Variants in APEX1 observed in about 807,000 individuals in gnomAD.
APEX1 encodes the protein apurinic/apyrimidinic endodeoxyribonuclease 1, also known as DNA repair nuclease/redox regulator APEX1.
A neutral mutation model predicts 33.2 loss-of-function variants in APEX1; 32 were observed. The ratio of observed to expected loss-of-function variants is 0.96; its 90% CI spans 0.73 to 1.29. The LOEUF is 1.29. Ranked by LOEUF, APEX1 falls within the 50% of genes most tolerant of loss-of-function variation. The pLI, the probability that APEX1 is intolerant of heterozygous loss-of-function variation, is 0.00. For synonymous variants in APEX1, 175 were observed against 156.6 expected, an observed-to-expected ratio of 1.12 and a Z score of -0.88; for missense variants, 442 against 395.6, an observed-to-expected ratio of 1.12 and a Z score of -0.99.
In APEX1 at chr14:20,457,133, G is replaced by GTTCCTGAAGGGCCTGGC; in HGVS notation, c.587_603dup (p.Arg202Ter). Reference sequence around the variant, plus strand: ...AGCGCTGGGATGAAGCCTTTCGCAAGTTCCTGAAGGGCCTGGCTTCCCGAA... The same window carrying GTTCCTGAAGGGCCTGGC: ...AGCGCTGGGATGAAGCCTTTCGCAAGTTCCTGAAGGGCCTGGCTTCCTGAAGGGCCTGGCTTCCCGAA... On this transcript the variant is annotated frameshift_variant, in exon 5 of 5. Coordinates refer to ENST00000216714, the MANE Select transcript of APEX1 (RefSeq NM_001641.4). LOFTEE classifies it high-confidence loss of function. 6.2e-7 allele frequency: 1 copy of GTTCCTGAAGGGCCTGGC among 1,614,198 alleles called. No individual in the cohort carries two copies. The highest frequency in any genetic ancestry group is 8.5e-7 in the Non-Finnish European group (1 of 1,180,044).
At position 20,457,517 on chromosome 14, in the gene APEX1, C is replaced by T. The variant is rs12590363; in HGVS notation, c.*9C>T. 1 of 1,613,380 alleles carries T rather than the reference C, an allele frequency of 6.2e-7. No individual in the cohort carries two copies. The highest frequency in any genetic ancestry group is 1.1e-5 in the South Asian group (1 of 91,076). On this transcript the variant is annotated 3_prime_UTR_variant, in exon 5 of 5. Coordinates refer to ENST00000216714, the MANE Select transcript of APEX1 (RefSeq NM_001641.4). ...TATACCTAGCACTGTGACACCACCC[C>T]TAAATCACTTTGAGCCTGGGAAATA...
Position 20,457,448 on chromosome 14 carries a change from G to A in APEX1, c.897G>A (p.Lys299=), listed in dbSNP as rs1881459697. Residue 299 remains lysine, a synonymous_variant, in exon 5 of 5, where the codon AAG becomes AAA. Coordinates refer to ENST00000216714, the MANE Select transcript of APEX1 (RefSeq NM_001641.4). ...TGTTACCTGCATTGTGTGACAGCAA[G>A]ATCCGTTCCAAGGCCCTCGGCAGTG... ...HSLLPALCDS[K]IRSKALGSDH... The A allele has an allele frequency of 6.2e-7, 1 of 1,614,182 alleles. No individual in the cohort carries two copies. Among genetic ancestry groups the A allele is most frequent in the South Asian group, 1.1e-5 (1 of 91,084 alleles).
At position 20,457,726 on chromosome 14, in the gene APEX1, T is replaced by C; in HGVS notation, c.*218T>C. 1.6e-6 allele frequency: 1 copy of C among 628,098 alleles called. No individual in the cohort carries two copies. Among genetic ancestry groups the C allele is most frequent in the East Asian group, 2.9e-5 (1 of 34,966 alleles). The allele number at this position is 628,098 out of a possible 1,614,324, so 38.9% of individuals were successfully genotyped here. Reference sequence around the variant, plus strand: ...AATTGAACAAAGACTACTAATGACTTTGTTTGAATTATCCACATGAAAATA... The same window carrying C: ...AATTGAACAAAGACTACTAATGACTCTGTTTGAATTATCCACATGAAAATA... On this transcript the variant is annotated 3_prime_UTR_variant, in exon 5 of 5. Coordinates refer to ENST00000216714, the MANE Select transcript of APEX1 (RefSeq NM_001641.4).
chr14:20,456,890 A>G, intron 4 of APEX1, 30 bp downstream of exon 4: 1 of 1,609,208 alleles, frequency 6.2e-7, no homozygotes, highest in South Asian at 1.1e-5. Flanking sequence ...TAATGCCTGA[A>G]CTCTTCAAAA....
intron 4 of APEX1, 44 bp from the exon 5 acceptor site, chr14:20,456,947 C>G: frequency 6.2e-7 from 1 of 1,606,408 alleles, no homozygotes; most frequent in Non-Finnish European, 8.5e-7. Flanking sequence ...ATTGCTTTCC[C>G]TTTTCTTATA....
rs536827074 is a variant in APEX1 at position 20,455,446 on chromosome 14, C to T, written c.-69+52C>T. On this transcript the variant is annotated intron_variant, in intron 1 of 4. Transcript: ENST00000216714. ...TTTCGTGGGTGAGGGGCTGAAGGGC[C>T]TATGATGCACGGAGGCGGGGAAAGG... is the stretch of plus-strand genomic sequence containing the variant. 4.5e-5 allele frequency: 36 copies of T among 807,586 alleles called. No individual in the cohort carries two copies. In the African/African-American group the frequency reaches 5.6e-4, roughly 13 times the overall value. 50.0% of individuals were successfully genotyped at this position (807,586 alleles called of 1,614,324 possible).
At position 20,455,684 on chromosome 14, in the gene APEX1, C is replaced by T; in HGVS notation, c.39C>T (p.Asp13=). The T allele has an allele frequency of 6.2e-7, 1 of 1,614,102 alleles. No homozygotes were observed. The change falls in exon 2 of 5, where the codon GAC becomes GAT. Residue 13 remains aspartate, a synonymous_variant. Transcript: ENST00000216714. Reference sequence around the variant, plus strand: ...GGAAAAAGGGAGCGGTGGCGGAAGACGGGGATGAGCTCAGGACAGGTAAGG... The same window carrying T: ...GGAAAAAGGGAGCGGTGGCGGAAGATGGGGATGAGCTCAGGACAGGTAAGG... ...KRGKKGAVAE[D]GDELRTEPEA... is the part of the protein sequence containing the mutation.
In APEX1 at chr14:20,455,630, G is replaced by A; in HGVS notation, c.-16G>A. On this transcript the variant is annotated 5_prime_UTR_variant, in exon 2 of 5. Transcript: ENST00000216714. ...GGGTGACGCGGTACAGCTGCCCAAGGGCGTTCGTAACGGGAATGCCGAAGC... is the reference window on the plus strand; with the variant it reads ...GGGTGACGCGGTACAGCTGCCCAAGAGCGTTCGTAACGGGAATGCCGAAGC... 2.5e-6 allele frequency: 4 copies of A among 1,613,138 alleles called. No individual in the cohort carries two copies. Among genetic ancestry groups the A allele is most frequent in the Non-Finnish European group, 2.5e-6 (3 of 1,180,042 alleles).
intron 2 of APEX1, 21 bp downstream of exon 2, chr14:20,455,724 C>T (rs901653534): frequency 1.9e-6 from 3 of 1,614,166 alleles, no homozygotes; most frequent in Non-Finnish European, 2.5e-6. Flanking sequence ...GAAATCAGCC[C>T]TTCTTCCTAG....
At chr14:20,456,571 G>C in intron 3 of APEX1, 97 bp from the exon 4 acceptor site, 1 of 1,205,904 alleles carries the variant, frequency 8.3e-7, no homozygotes, top group Non-Finnish European at 1.2e-6. Flanking sequence ...CCAAGAGACT[G>C]TTTAACCCGT....
In APEX1 at chr14:20,456,995, T is replaced by C. The variant is rs1130409; in HGVS notation, c.444T>C (p.Asp148=). The change falls in exon 5 of 5, where the codon GAT becomes GAC. Residue 148 remains aspartate (D), a synonymous_variant. Transcript: ENST00000216714. Reference sequence around the variant, plus strand: ...AATTCTGTTTCATTTCTATAGGCGATGAGGAGCATGATCAGGAAGGCCGGG... The same window carrying C: ...AATTCTGTTTCATTTCTATAGGCGACGAGGAGCATGATCAGGAAGGCCGGG... ...CPLKVSYGIG[D]EEHDQEGRVI... is the part of the protein sequence containing the mutation. The C allele has an allele frequency of 6.2e-7, 1 of 1,612,948 alleles. No homozygotes were observed.
chr14:20,455,958 A>G lies in APEX1; in HGVS notation c.103A>G (p.Lys35Glu). The G allele has an allele frequency of 6.2e-7, 1 of 1,614,168 alleles. No individual in the cohort carries two copies. Among genetic ancestry groups the G allele is most frequent in the Non-Finnish European group, 8.5e-7 (1 of 1,180,028 alleles). ...KSKTAAKKND[K>E]EAAGEGPALY... ...TAAGACGGCCGCAAAGAAAAATGAC[A>G]AAGAGGCAGCAGGAGAGGGCCCAGC... Residue 35 changes from lysine (K) to glutamate (E), a missense_variant, in exon 3 of 5, where the codon AAA becomes GAA. Lys to Glu is a moderately conservative substitution (Grantham distance 56, BLOSUM62 1). Transcript: ENST00000216714.
At chr14:20,455,755 G>C (rs1287150233) in intron 2 of APEX1, 52 bp downstream of exon 2, 1 of 1,614,104 alleles carries the variant, frequency 6.2e-7, no homozygotes, top group South Asian at 1.1e-5. Context: ...GGGGGTGTTT[G>C]TCATTCCCTT....
chr14:20,455,482 A>T (rs1211473774), intron 1 of APEX1, 88 bp downstream of exon 1: 1 of 1,122,608 alleles, frequency 8.9e-7, no homozygotes, highest in Admixed American at 2.0e-5. Flanking sequence ...ATTTAGAGAT[A>T]ACGTGGTTTG....
intron 3 of APEX1, among the ~76,000 whole-genome samples, chr14:20,456,337 A>C (rs1038172973): frequency 6.6e-6 from 1 of 152,090 alleles, no homozygotes; most frequent in Non-Finnish European, 1.5e-5. Context: ...AAACCTCTTC[A>C]CTATACTTCC....
At position 20,456,034 on chromosome 14, in the gene APEX1, CCA is replaced by C. The variant is rs1266293246; in HGVS notation, c.183_184del (p.Leu62GlnfsTer15). ...AAAACCTCACCCAGTGGCAAACCTG[CCA>C]CACTCAAGATCTGCTCTTGGAATGT... On this transcript the variant is annotated frameshift_variant, in exon 3 of 5. Coordinates refer to ENST00000216714, the MANE Select transcript of APEX1 (RefSeq NM_001641.4). LOFTEE classifies it high-confidence loss of function. 1.2e-6 allele frequency: 2 copies of C among 1,614,062 alleles called. No individual in the cohort carries two copies. Among genetic ancestry groups the C allele is most frequent in the Non-Finnish European group, 1.7e-6 (2 of 1,180,040 alleles).
chr14:20,456,642 T>C, intron 3 of APEX1, 26 bp from the exon 4 acceptor site: 1 of 1,600,968 alleles, frequency 6.2e-7, no homozygotes, highest in Non-Finnish European at 8.6e-7. Context: ...TGATAATACG[T>C]TTTCCACCTT....
intron 3 of APEX1, 65 bp downstream of exon 3, chr14:20,456,166 C>CT: frequency 6.4e-7 from 1 of 1,566,002 alleles, no homozygotes; most frequent in Non-Finnish European, 8.8e-7. Context: ...TTAGTCACCC[C>CT]TTTTCTCCGT....
In APEX1 at chr14:20,455,615, G is replaced by T; in HGVS notation, c.-31G>T. ...AAATATTGCTTCGGTGGGTGACGCG[G>T]TACAGCTGCCCAAGGGCGTTCGTAA... is the stretch of plus-strand genomic sequence containing the variant. On this transcript the variant is annotated 5_prime_UTR_variant, in exon 2 of 5. Transcript: ENST00000216714. The T allele has an allele frequency of 6.2e-7, 1 of 1,612,646 alleles. No homozygotes were observed. Among genetic ancestry groups the T allele is most frequent in the Non-Finnish European group, 8.5e-7 (1 of 1,180,020 alleles).
Sources: gnomAD v4.1 joint callset for allele counts (sites outside exome capture counted in the v4.1 genomes callset) on GRCh38, gnomAD v4.1.1 for gene constraint, MANE v1.5 for transcripts, NCBI Gene and HGNC (gene_info 2026-07-23, HGNC 2026-07-21) for gene names.